HERC1: variants seen among roughly 807,000 people sequenced by gnomAD.
HERC1 encodes the protein probable E3 ubiquitin-protein ligase HERC1.
A neutral mutation model predicts 554.3 loss-of-function variants in HERC1; 160 were observed. The observed-to-expected ratio is 0.29, with a 90% confidence interval of 0.25 to 0.33. The LOEUF (loss-of-function observed/expected upper bound fraction) is 0.33, where lower values mean the gene tolerates loss of function less well. Ranked by LOEUF, HERC1 falls within the 10% of genes least tolerant of loss-of-function variation. The pLI is 1.00. For missense variants in HERC1, 4,919 were observed against 5,918.5 expected, an observed-to-expected ratio of 0.83 and a Z score of 5.54; for synonymous variants, 2,175 against 2,131.7, an observed-to-expected ratio of 1.02 and a Z score of -0.56.
In HERC1 at chr15:63,774,792, C is replaced by T. The variant is rs1385077706; in HGVS notation, c.832G>A (p.Val278Ile). The T allele has an allele frequency of 2.5e-6, 4 of 1,613,828 alleles. No individual in the cohort carries two copies. In the South Asian group the frequency reaches 4.4e-5, roughly 18 times the overall value. Residue 278 changes from valine to isoleucine, a missense_variant, in exon 2 of 78, where the codon GTA becomes ATA. This residue lies in a region of HERC1 where 744 missense variants were observed against 1,090.0 expected (regional missense o/e 0.68). Coordinates refer to ENST00000443617, the MANE Select transcript of HERC1 (RefSeq NM_003922.4). ...AGTTTGCCTTTCTCCATGGTGTGTA[C>T]AACTGCCGAAGCCCCCAAAGCCATT... ...IEMALGASAV[V>I]HTMEKGKLLS...
At chr15:63,657,842 A>G (rs920034527) in intron 48 of HERC1, among the ~76,000 whole-genome samples, 1 of 151,464 alleles carries the variant, frequency 6.6e-6, no homozygotes, top group Non-Finnish European at 1.5e-5. Context: ...TTTTTTTTCT[A>G]TGTGGATAAA....
intron 25 of HERC1, among the ~76,000 whole-genome samples, chr15:63,699,630 A>C (rs1197102273): frequency 6.6e-6 from 1 of 152,212 alleles, no homozygotes; most frequent in Admixed American, 6.5e-5. Flanking sequence ...ATATAGAGGA[A>C]GCAAAGTTTC....
chr15:63,648,946 G>A (rs981878793), intron 54 of HERC1, among the ~76,000 whole-genome samples: 4 of 152,172 alleles, frequency 2.6e-5, no homozygotes, highest in Non-Finnish European at 4.4e-5. Context: ...ATGCATTCAC[G>A]TTCAAAGGAA....
At chr15:63,672,858 T>C (rs999912508) in intron 38 of HERC1, among the ~76,000 whole-genome samples, 164 bp from the exon 39 acceptor site, 1 of 152,230 alleles carries the variant, frequency 6.6e-6, no homozygotes. Context: ...CTTACTTATA[T>C]ACATCTTTGT....
intron 1 of HERC1, among the ~76,000 whole-genome samples, chr15:63,809,096 G>C (rs1458656766): frequency 1.3e-5 from 2 of 152,066 alleles, no homozygotes; most frequent in Non-Finnish European, 2.9e-5. Flanking sequence ...TGATTTTAAG[G>C]AGAAAAAAAT....
chr15:63,792,765 T>C (rs973247000), intron 1 of HERC1, among the ~76,000 whole-genome samples: 4 of 152,174 alleles, frequency 2.6e-5, no homozygotes, highest in Admixed American at 6.5e-5. Context: ...GGGTGTCTTC[T>C]AAGTCAATTC....
At chr15:63,724,230 C>T (rs1395842905) in intron 18 of HERC1, among the ~76,000 whole-genome samples, 1 of 152,100 alleles carries the variant, frequency 6.6e-6, no homozygotes, top group Non-Finnish European at 1.5e-5. Flanking sequence ...TCAGGAGGTC[C>T]TTTAGGACTG....
intron 1 of HERC1, among the ~76,000 whole-genome samples, chr15:63,788,390 A>G (rs1356502077): frequency 2.6e-5 from 4 of 152,250 alleles, no homozygotes; most frequent in Non-Finnish European, 5.9e-5. Flanking sequence ...TAAAGAAACT[A>G]TAATCACAAC....
At chr15:63,664,420 T>A (rs368079699) in intron 43 of HERC1, 50 bp downstream of exon 43, 271 of 1,564,264 alleles carry the variant, frequency 1.7e-4, no homozygotes, top group Non-Finnish European at 2.3e-4. Flanking sequence ...TTTACATTGC[T>A]TTCAAAATAA....
At chr15:63,832,985 A>C (rs2078207229) in intron 1 of HERC1, among the ~76,000 whole-genome samples, 1 of 152,210 alleles carries the variant, frequency 6.6e-6, no homozygotes, top group Non-Finnish European at 1.5e-5. Flanking sequence ...TCTTAAACTA[A>C]GACAAATCTG....
intron 1 of HERC1, among the ~76,000 whole-genome samples, chr15:63,820,435 T>A (rs11639412): frequency 0.49 from 73,997 of 151,974 alleles, 18,952 homozygotes; most frequent in Non-Finnish European, 0.56. Flanking sequence ...CTTCTAAATT[T>A]TATTAACATT....
In HERC1 at chr15:63,734,632, A is replaced by G; in HGVS notation, c.2646+92T>C. 1 of 1,128,416 alleles carries G rather than the reference A, an allele frequency of 8.9e-7. No homozygotes were observed. The highest frequency in any genetic ancestry group is 1.2e-6 in the Non-Finnish European group (1 of 809,620). 69.9% of individuals were successfully genotyped at this position (1,128,416 alleles called of 1,614,324 possible). ...TTAACCCATCAAGTACTTATGCTCC[A>G]AGAACACATGGCAATTTATTAGTTT... On this transcript the variant is annotated intron_variant, in intron 13 of 77. Coordinates refer to ENST00000443617, the MANE Select transcript of HERC1 (RefSeq NM_003922.4). The surrounding 1 kb of genome is among the most constrained non-coding windows in gnomAD (Gnocchi z 4.6).
intron 76 of HERC1, among the ~76,000 whole-genome samples, chr15:63,614,428 C>T (rs1423283616): frequency 6.6e-6 from 1 of 152,182 alleles, no homozygotes; most frequent in Non-Finnish European, 1.5e-5. Flanking sequence ...GTTATTTATT[C>T]TCTGAGGATT....
intron 12 of HERC1, among the ~76,000 whole-genome samples, chr15:63,745,762 T>C (rs1309202579): frequency 1.3e-5 from 2 of 152,222 alleles, no homozygotes; most frequent in African/African-American, 4.8e-5. Flanking sequence ...GTTTTTTCTG[T>C]GTAGAGTTGT....
At chr15:63,661,065 CAGTT>C (rs1566983878) in intron 45 of HERC1, 40 bp from the exon 46 acceptor site, 3 of 1,404,726 alleles carry the variant, frequency 2.1e-6, no homozygotes, top group South Asian at 1.2e-5. Flanking sequence ...TTATATAAAA[CAGTT>C]AGTACCCCAA....
At position 63,749,811 on chromosome 15, in the gene HERC1, G is replaced by C. The variant is rs555654077; in HGVS notation, c.1903-20C>G. 4.1e-5 allele frequency: 63 copies of C among 1,524,640 alleles called. 2 individuals carry two copies. In the South Asian group the frequency reaches 7.5e-4, roughly 18 times the overall value. The allele number at this position is 1,524,640 out of a possible 1,614,324, so 94.4% of individuals were successfully genotyped here. A position where few individuals can be genotyped will look rare whatever the true frequency, so the allele number is the denominator to read the frequency against. On this transcript the variant is annotated intron_variant, in intron 8 of 77. Transcript: ENST00000443617. This position sits in a 1 kb window ranked among gnomAD's most constrained non-coding sequence, Gnocchi z 4.1. ...ATAGACCTGAAAAAAACAGAAATAC[G>C]TTACACATAACTTCCTGAGATGATT...
chr15:63,730,972 A>G (rs761866702), intron 14 of HERC1, among the ~76,000 whole-genome samples: 6 of 152,156 alleles, frequency 3.9e-5, no homozygotes, highest in Admixed American at 3.9e-4. Context: ...CTACTATAAT[A>G]TTTTTTGGTG....
chr15:63,796,179 C>T (rs1184283704), intron 1 of HERC1, among the ~76,000 whole-genome samples: 1 of 152,170 alleles, frequency 6.6e-6, no homozygotes, highest in African/African-American at 2.4e-5. Flanking sequence ...TTATTTTTTA[C>T]AAGTAGAATA....
At chr15:63,786,365 A>G (rs1341222532) in intron 1 of HERC1, among the ~76,000 whole-genome samples, 1 of 152,160 alleles carries the variant, frequency 6.6e-6, no homozygotes, top group East Asian at 1.9e-4. Flanking sequence ...AGTTAAAAAC[A>G]GAGTTTCCTT....
Sources: allele counts gnomAD v4.1 joint callset (sites outside exome capture counted in the v4.1 genomes callset), GRCh38; gene constraint gnomAD v4.1.1; regional missense constraint gnomAD v4.1.1; non-coding constraint Gnocchi (gnomAD v3.1); transcripts MANE v1.5; gene names NCBI Gene and HGNC (gene_info 2026-07-23, HGNC 2026-07-21).